Variants in NDUFA13 observed in about 807,000 individuals in gnomAD.
NDUFA13 encodes the protein NADH dehydrogenase [ubiquinone] 1 alpha subcomplex subunit 13.
A neutral mutation model predicts 17.0 loss-of-function variants in NDUFA13; 16 were observed. That is an observed-to-expected ratio of 0.94 (90% CI 0.64 to 1.43). The LOEUF (loss-of-function observed/expected upper bound fraction) is 1.43, where lower values mean the gene tolerates loss of function less well. NDUFA13 is among the 40% of genes most tolerant of loss of function. The probability of loss-of-function intolerance (pLI) is 0.00; values close to 1 mark genes in which losing one functional copy is unlikely to be tolerated. For missense variants in NDUFA13, 228 were observed against 206.7 expected (o/e 1.10, Z -0.63); for synonymous variants, 87 against 78.4 (o/e 1.11, Z -0.58).
At chr19:19,527,985 C>G (rs761026358) in intron 4 of NDUFA13, 22 bp from the exon 5 acceptor site, 16 of 1,612,140 alleles carry the variant, frequency 9.9e-6, no homozygotes, top group Non-Finnish European at 1.3e-5. Flanking sequence ...GTGCCTCTAC[C>G]CATACCCCAC....
chr19:19,517,431 C>T (rs7256028), intron 1 of NDUFA13, among the ~76,000 whole-genome samples: 35,216 of 151,746 alleles, frequency 0.23, 5,411 homozygotes, highest in African/African-American at 0.43. Context: ...AGGCTGGTCT[C>T]GAAGTCCTGG....
intron 3 of NDUFA13, 165 bp downstream of exon 3, chr19:19,527,517 G>A (rs1176967312): frequency 1.1e-5 from 11 of 990,866 alleles, no homozygotes; most frequent in East Asian, 2.6e-5. Flanking sequence ...CCAAGGGGGC[G>A]AACCGGAAGG....
At chr19:19,525,762 CG>C (rs142175758) in intron 1 of NDUFA13, among the ~76,000 whole-genome samples, 19,057 of 152,130 alleles carry the variant, frequency 0.13, 1,410 homozygotes, top group Middle Eastern at 0.27. Flanking sequence ...CCCTAGAGTC[CG>C]GGGGGTGGCT....
intron 1 of NDUFA13, 176 bp from the exon 2 acceptor site, chr19:19,526,006 C>T (rs1368560962): frequency 2.0e-6 from 3 of 1,475,136 alleles, no homozygotes; most frequent in Non-Finnish European, 2.7e-6. Flanking sequence ...GAGGTTGCTG[C>T]CTGGCTTGTA....
At chr19:19,526,346 C>T (rs1600349546) in intron 2 of NDUFA13, 86 bp downstream of exon 2, 7 of 1,473,730 alleles carry the variant, frequency 4.7e-6, no homozygotes, top group Middle Eastern at 1.7e-4. Flanking sequence ...TCTGTGCTGG[C>T]GAGGGGTGAA....
chr19:19,528,032 C>G lies in NDUFA13; in HGVS notation c.341C>G (p.Thr114Ser). ...GTGGGGGAGTCTGTGTTCCACACAA[C>G]CCGCTGGGTGCCCCCCTTGATCGGG... ...WKVGESVFHT[T>S]RWVPPLIGEL... The change falls in exon 5 of 5, where the codon ACC becomes AGC. Residue 114 changes from threonine to serine, a missense_variant. By Grantham distance (58) the Thr-to-Ser change is moderately conservative. Transcript: ENST00000507754. The G allele has an allele frequency of 6.2e-7, 1 of 1,612,700 alleles. No homozygotes were observed. Among genetic ancestry groups the G allele is most frequent in the South Asian group, 1.1e-5 (1 of 91,006 alleles).
intron 1 of NDUFA13, among the ~76,000 whole-genome samples, chr19:19,517,062 C>G (rs2061052866): frequency 6.6e-6 from 1 of 151,452 alleles, no homozygotes; most frequent in African/African-American, 2.4e-5. Flanking sequence ...GCTGGGATTA[C>G]AGGCGTGAGC....
Position 19,516,232 on chromosome 19 carries a change from T to C in NDUFA13, c.-7T>C. ...GCCCGGGACCGGAAGTGTGGGATAC[T>C]GCGAGTATGGCGGCGTCAAAGGTGA... is the stretch of plus-strand genomic sequence containing the variant. On this transcript the variant is annotated 5_prime_UTR_variant, in exon 1 of 5. Coordinates refer to ENST00000507754, the MANE Select transcript of NDUFA13 (RefSeq NM_015965.7). The C allele has an allele frequency of 1.9e-6, 3 of 1,614,124 alleles. No homozygotes were observed. The highest frequency in any genetic ancestry group is 1.7e-6 in the Non-Finnish European group (2 of 1,180,034).
At position 19,526,292 on chromosome 19, in the gene NDUFA13, G is replaced by GC. The variant is rs747684380; in HGVS notation, c.173+39dup. ...CCCCTGGTGGGCGTTGTCTGAAAGTGCCCCCCCGGCGAGTTGTCGGGGTCC... is the reference window on the plus strand; with the variant it reads ...CCCCTGGTGGGCGTTGTCTGAAAGTGCCCCCCCCGGCGAGTTGTCGGGGTCC... On this transcript the variant is annotated intron_variant, in intron 2 of 4. Transcript: ENST00000507754. 1.1e-4 allele frequency: 173 copies of GC among 1,610,542 alleles called. 1 individual carries two copies. The highest frequency in any genetic ancestry group is 1.6e-4 in the Middle Eastern group (1 of 6,078).
chr19:19,523,834 G>T (rs1490993037), intron 1 of NDUFA13, among the ~76,000 whole-genome samples: 1 of 152,206 alleles, frequency 6.6e-6, no homozygotes, highest in African/African-American at 2.4e-5. Flanking sequence ...GGAAGCTGAG[G>T]CAGGAAAATC....
chr19:19,520,606 G>A (rs964757649), intron 1 of NDUFA13, among the ~76,000 whole-genome samples: 10 of 152,106 alleles, frequency 6.6e-5, no homozygotes, highest in Admixed American at 2.6e-4. Flanking sequence ...CTCCAGCCTG[G>A]GCAACAGAGT....
At chr19:19,526,782 C>A in intron 2 of NDUFA13, 1 of 285,506 alleles carries the variant, frequency 3.5e-6, no homozygotes, top group South Asian at 3.4e-5. Context: ...CACCCCTCCC[C>A]CAACCCCAAC....
intron 3 of NDUFA13, 113 bp downstream of exon 3, chr19:19,527,465 T>C: frequency 7.7e-7 from 1 of 1,297,826 alleles, no homozygotes; most frequent in Non-Finnish European, 1.1e-6. Flanking sequence ...CATCGCCCTG[T>C]GCCGTCAGCT....
chr19:19,523,314 G>A (rs569883370), intron 1 of NDUFA13, among the ~76,000 whole-genome samples: 1 of 152,262 alleles, frequency 6.6e-6, no homozygotes, highest in African/African-American at 2.4e-5. Flanking sequence ...CCAAGGCCGG[G>A]CTCAGTGGCT....
intron 1 of NDUFA13, among the ~76,000 whole-genome samples, chr19:19,522,695 G>A (rs1383201615): frequency 1.3e-5 from 2 of 151,966 alleles, no homozygotes; most frequent in Non-Finnish European, 2.9e-5. Flanking sequence ...AGCCAGGATG[G>A]TCTCGATCTC....
intron 1 of NDUFA13, among the ~76,000 whole-genome samples, chr19:19,521,760 G>A (rs1261457785): frequency 2.0e-5 from 3 of 151,940 alleles, no homozygotes; most frequent in Middle Eastern, 3.4e-3. Context: ...CTGCCACTGC[G>A]CCCGGCTAAT....
chr19:19,527,157 TG>T, intron 2 of NDUFA13, 123 bp from the exon 3 acceptor site: 1 of 311,508 alleles, frequency 3.2e-6, no homozygotes. Flanking sequence ...CCCTGCCCCC[TG>T]CCTGCCTCCC....
At chr19:19,525,982 C>T in intron 1 of NDUFA13, 200 bp from the exon 2 acceptor site, 1 of 1,434,802 alleles carries the variant, frequency 7.0e-7, no homozygotes, top group Non-Finnish European at 9.2e-7. Flanking sequence ...ACCATCTAGA[C>T]CCTCAGGCCT....
Position 19,516,269 on chromosome 19 carries a change from C to T in NDUFA13, c.31C>T (p.Pro11Ser). Residue 11 changes from proline to serine, a missense_variant, in exon 1 of 5, where the codon CCT (proline) becomes TCT (serine). Transcript: ENST00000507754. ...GGCGTCAAAGGTGAAGCAGGACATG[C>T]CTCCGCCGGGGGGCTATGGGCCCAT... MAASKVKQDM[P>S]PPGGYGPIDY... 4 of 1,613,842 alleles carry T rather than the reference C, an allele frequency of 2.5e-6. No individual in the cohort carries two copies. Among genetic ancestry groups the T allele is most frequent in the East Asian group, 2.2e-5 (1 of 44,896 alleles).
Sources: gnomAD v4.1 joint callset for allele counts (sites outside exome capture counted in the v4.1 genomes callset) on GRCh38, gnomAD v4.1.1 for gene constraint, MANE v1.5 for transcripts, NCBI Gene and HGNC (gene_info 2026-07-23, HGNC 2026-07-21) for gene names.